The following KCNH7 variants were observed in gnomAD, a reference collection of about 807,000 sequenced individuals.
The protein encoded by KCNH7 is voltage-gated inwardly rectifying potassium channel KCNH7.
A neutral mutation model predicts 120.8 loss-of-function variants in KCNH7; 49 were observed. The ratio of observed to expected loss-of-function variants is 0.41; its 90% CI spans 0.32 to 0.51. The LOEUF (loss-of-function observed/expected upper bound fraction) is 0.51, where lower values mean the gene tolerates loss of function less well. Ranked by LOEUF, KCNH7 falls within the 20% of genes least tolerant of loss-of-function variation. KCNH7 has a pLI of 0.38. For synonymous variants in KCNH7, 547 were observed against 516.1 expected, an observed-to-expected ratio of 1.06 and a Z score of -0.81; for missense variants, 1,097 against 1,446.6, an observed-to-expected ratio of 0.76 and a Z score of 3.92.
chr2:162,724,199 A>G (rs1212437918), intron 2 of KCNH7, among the ~76,000 whole-genome samples: 8 of 152,290 alleles, frequency 5.3e-5, no homozygotes, highest in Admixed American at 2.0e-4. Context: ...AACAATGAAT[A>G]CAGTAGCCTC....
chr2:162,735,581 T>G (rs1385788572), intron 2 of KCNH7, among the ~76,000 whole-genome samples: 1 of 152,168 alleles, frequency 6.6e-6, no homozygotes, highest in Non-Finnish European at 1.5e-5. Context: ...TACCTTGTCC[T>G]GAAACCTCCT....
chr2:162,416,116 C>A (rs1687535373), intron 9 of KCNH7, among the ~76,000 whole-genome samples: 1 of 152,008 alleles, frequency 6.6e-6, no homozygotes, highest in Admixed American at 6.6e-5. Flanking sequence ...ATAGGCTGGG[C>A]GTAGTGGCTC....
At chr2:162,539,018 A>G (rs1456890754) in intron 2 of KCNH7, among the ~76,000 whole-genome samples, 1 of 152,138 alleles carries the variant, frequency 6.6e-6, no homozygotes. Context: ...AATATGCCTT[A>G]GGAATGGCAA....
chr2:162,471,345 G>A (rs770952046), intron 6 of KCNH7, among the ~76,000 whole-genome samples: 6 of 151,892 alleles, frequency 4.0e-5, no homozygotes, highest in East Asian at 1.9e-4. Flanking sequence ...AAATGAATCC[G>A]ATGCACTTGG....
chr2:162,394,561 A>G, intron 11 of KCNH7, 76 bp from the exon 12 acceptor site: 1 of 838,470 alleles, frequency 1.2e-6, no homozygotes, highest in Non-Finnish European at 1.9e-6. Context: ...TAAACTGTTT[A>G]CTATTTCATA....
At chr2:162,756,094 T>C (rs190234375) in intron 2 of KCNH7, among the ~76,000 whole-genome samples, 290 of 152,328 alleles carry the variant, frequency 1.9e-3, no homozygotes, top group South Asian at 0.01. Context: ...TTAATCATCA[T>C]AAGTGAGTTA....
At chr2:162,765,757 CT>C (rs1444443452) in intron 2 of KCNH7, among the ~76,000 whole-genome samples, 1 of 152,004 alleles carries the variant, frequency 6.6e-6, no homozygotes, top group Admixed American at 6.6e-5. Flanking sequence ...GAATATTTTT[CT>C]TTTCTTTTTT....
rs74560005 is a variant in KCNH7 at position 162,436,650 on chromosome 2, G to A, written c.1555-1053C>T. On this transcript the variant is annotated intron_variant, in intron 7 of 15. Coordinates refer to ENST00000332142, the MANE Select transcript of KCNH7 (RefSeq NM_033272.4). ...ATGGTGTTTACCAATCAATTATTGA[G>A]TTATTTTATCTGTTCATTGTTGCTG... Among the ~76,000 whole-genome samples, 511 of 152,168 alleles carry A rather than the reference G, an allele frequency of 3.4e-3. 13 individuals are homozygous for A. In the East Asian group the frequency reaches 0.087, roughly 26 times the overall value.
chr2:162,701,514 T>C (rs1686498102), intron 2 of KCNH7, among the ~76,000 whole-genome samples: 3 of 152,116 alleles, frequency 2.0e-5, no homozygotes, highest in African/African-American at 7.2e-5. Flanking sequence ...GTTCCAAGTG[T>C]ACAAAAATAA....
chr2:162,513,179 TC>T, intron 4 of KCNH7, among the ~76,000 whole-genome samples: 1 of 5,710 alleles, frequency 1.8e-4, no homozygotes, highest in African/African-American at 2.3e-4. Flanking sequence ...CTTCTTTCCC[TC>T]CCTCCCTCCC....
At chr2:162,724,564 T>C (rs1021557486) in intron 2 of KCNH7, among the ~76,000 whole-genome samples, 19 of 149,000 alleles carry the variant, frequency 1.3e-4, no homozygotes, top group Admixed American at 8.0e-4. Context: ...CCCAGCTACT[T>C]GGGAGGCTGA....
intron 2 of KCNH7, among the ~76,000 whole-genome samples, chr2:162,673,668 C>T (rs769733475): frequency 6.6e-6 from 1 of 152,128 alleles, no homozygotes; most frequent in South Asian, 2.1e-4. Context: ...AAATTTGGAG[C>T]TCAATCCATA....
chr2:162,742,918 G>A (rs1013515071), intron 2 of KCNH7, among the ~76,000 whole-genome samples: 1 of 152,128 alleles, frequency 6.6e-6, no homozygotes, highest in Non-Finnish European at 1.5e-5. Flanking sequence ...AATAAGAACT[G>A]TTTCAGAAGT....
intron 7 of KCNH7, 100 bp downstream of exon 7, chr2:162,445,918 T>A (rs1331835123): frequency 3.4e-6 from 3 of 890,036 alleles, no homozygotes; most frequent in South Asian, 3.6e-5. Context: ...ATCAGTGAGA[T>A]ACAAGAAGCT....
At chr2:162,599,704 A>C (rs1334252560) in intron 2 of KCNH7, among the ~76,000 whole-genome samples, 1 of 151,816 alleles carries the variant, frequency 6.6e-6, no homozygotes, top group Non-Finnish European at 1.5e-5. Flanking sequence ...TGGAAATATT[A>C]CTTAATGATT....
chr2:162,416,884 A>G (rs1334329439), intron 9 of KCNH7, among the ~76,000 whole-genome samples: 1 of 152,146 alleles, frequency 6.6e-6, no homozygotes, highest in Non-Finnish European at 1.5e-5. Context: ...CTTTTTAGGT[A>G]TATCTGGCAT....
chr2:162,636,834 G>T (rs997948532), intron 2 of KCNH7, among the ~76,000 whole-genome samples: 1 of 151,990 alleles, frequency 6.6e-6, no homozygotes, highest in Non-Finnish European at 1.5e-5. Context: ...GCTCTGCAAG[G>T]CTAGCCTGAT....
intron 2 of KCNH7, among the ~76,000 whole-genome samples, chr2:162,613,872 A>C (rs1187489266): frequency 6.6e-6 from 1 of 152,032 alleles, no homozygotes; most frequent in Non-Finnish European, 1.5e-5. Flanking sequence ...GGTTATCTCT[A>C]ACAGGACAGA....
At chr2:162,672,822 C>T (rs74969484) in intron 2 of KCNH7, among the ~76,000 whole-genome samples, 1 of 151,824 alleles carries the variant, frequency 6.6e-6, no homozygotes, top group African/African-American at 2.4e-5. Flanking sequence ...TAGGCAAATT[C>T]TAGTATTTCA....
Sources: allele counts gnomAD v4.1 joint callset (sites outside exome capture counted in the v4.1 genomes callset), GRCh38; gene constraint gnomAD v4.1.1; transcripts MANE v1.5; gene names NCBI Gene and HGNC (gene_info 2026-07-23, HGNC 2026-07-21).